Variants in SSB observed in about 807,000 individuals in gnomAD.
SSB encodes the protein small RNA binding exonuclease protection factor La, also known as lupus La protein.
A neutral mutation model predicts 52.9 loss-of-function variants in SSB; 17 were observed. The observed-to-expected ratio is 0.32, with a 90% CI of 0.22 to 0.48. The LOEUF is 0.48. SSB is among the 20% of genes least tolerant of loss of function. SSB has a pLI of 0.99. For synonymous variants in SSB, 111 were observed against 152.1 expected (o/e 0.73, Z 1.99); for missense variants, 314 against 463.6 (o/e 0.68, Z 2.96).
chr2:169,803,995 TC>T (rs1241014106), intron 2 of SSB, among the ~76,000 whole-genome samples: 4 of 152,016 alleles, frequency 2.6e-5, no homozygotes, highest in African/African-American at 4.8e-5. Context: ...CGCCTCAGCC[TC>T]CCAAAGTGCT....
intron 1 of SSB, among the ~76,000 whole-genome samples, chr2:169,800,257 G>C (rs530706573): frequency 6.6e-6 from 1 of 152,176 alleles, no homozygotes; most frequent in Non-Finnish European, 1.5e-5. Flanking sequence ...GAGGCCGGGC[G>C]CGGTGGCTCA....
intron 8 of SSB, chr2:169,809,123 G>C (rs981717085): frequency 4.0e-5 from 21 of 520,882 alleles, no homozygotes; most frequent in African/African-American, 4.0e-4. Context: ...GCCCACGCCT[G>C]TAATCCCAGC....
chr2:169,800,846 C>A (rs939269837), intron 1 of SSB, 106 bp from the exon 2 acceptor site: 6 of 779,848 alleles, frequency 7.7e-6, no homozygotes, highest in Non-Finnish European at 9.3e-6. Context: ...AATAGAAATT[C>A]TTGATTTTTT....
At chr2:169,809,641 G>A (rs946422739) in intron 8 of SSB, among the ~76,000 whole-genome samples, 2 of 151,252 alleles carry the variant, frequency 1.3e-5, no homozygotes, top group African/African-American at 4.9e-5. Context: ...TTGAGACCGA[G>A]TCTCACTGTT....
chr2:169,810,076 CA>C (rs1689914810), intron 8 of SSB: 1 of 307,356 alleles, frequency 3.3e-6, no homozygotes, highest in Non-Finnish European at 5.8e-6. Context: ...AGGAAAACAC[CA>C]ACACTATGAA....
Position 169,811,036 on chromosome 2 carries a change from A to G in SSB, c.989A>G (p.Lys330Arg). ...CAACAAGAATCCCTAAACAAATGGA[A>G]GTCAAAAGGTCATTTATTCTGATTT... ...EDQQESLNKWKSKGRRFKGKG... is the reference protein window; with the variant it reads ...EDQQESLNKWRSKGRRFKGKG... Residue 330 changes from lysine to arginine, a missense_variant, in exon 10 of 12, where the codon AAG becomes AGG. Coordinates refer to ENST00000260956, the MANE Select transcript of SSB (RefSeq NM_003142.5). 1.2e-6 allele frequency: 2 copies of G among 1,609,002 alleles called. No individual in the cohort carries two copies. Among genetic ancestry groups the G allele is most frequent in the Non-Finnish European group, 8.5e-7 (1 of 1,179,004 alleles).
At chr2:169,805,619 A>G (rs765060913) in intron 3 of SSB, 42 bp downstream of exon 3, 6 of 1,612,002 alleles carry the variant, frequency 3.7e-6, no homozygotes, top group Non-Finnish European at 4.2e-6. Flanking sequence ...TTCTGTTTAC[A>G]ATGAGTGCTA....
Position 169,810,323 on chromosome 2 carries a change from C to T in SSB, c.710C>T (p.Ser237Leu), listed in dbSNP as rs773826217. 2.6e-5 allele frequency: 41 copies of T among 1,606,060 alleles called. No individual in the cohort carries two copies. Among genetic ancestry groups the T allele is most frequent in the Admixed American group, 6.8e-5 (4 of 58,682 alleles). ...AAGATTGGATGCTTGCTGAAATTTT[C>T]GGGTGATTTAGATGATCAGACCTGT... ...EEKIGCLLKF[S>L]GDLDDQTCRE... Residue 237 changes from serine (S) to leucine (L), a missense_variant, in exon 9 of 12, where the codon TCG becomes TTG. Physicochemically the swap from Ser to Leu is moderately radical, Grantham distance 145. Transcript: ENST00000260956.
chr2:169,808,420 A>G, intron 6 of SSB, 62 bp from the exon 7 acceptor site: 3 of 1,339,238 alleles, frequency 2.2e-6, no homozygotes, highest in Non-Finnish European at 3.2e-6. Context: ...AAGTTATTCA[A>G]AATAATCTGC....
intron 6 of SSB, among the ~76,000 whole-genome samples, chr2:169,808,013 T>G (rs1162458064): frequency 1.3e-5 from 2 of 152,170 alleles, no homozygotes; most frequent in Non-Finnish European, 2.9e-5. Context: ...TTTTCATATG[T>G]TATTGTTGGA....
At chr2:169,806,929 A>G in intron 5 of SSB, 37 bp downstream of exon 5, 4 of 1,608,980 alleles carry the variant, frequency 2.5e-6, no homozygotes, top group Non-Finnish European at 3.4e-6. Context: ...TTTAAAATAT[A>G]TGGGACATAA....
chr2:169,802,289 A>C (rs1232994091), intron 2 of SSB, among the ~76,000 whole-genome samples: 5 of 151,842 alleles, frequency 3.3e-5, no homozygotes, highest in Non-Finnish European at 7.4e-5. Context: ...AAAAAGAAAA[A>C]AACCTTAAAA....
chr2:169,801,267 A>G (rs1466388907), intron 2 of SSB, among the ~76,000 whole-genome samples: 1 of 152,186 alleles, frequency 6.6e-6, no homozygotes, highest in Non-Finnish European at 1.5e-5. Flanking sequence ...TTTTAGTTTC[A>G]TAGTCTCATA....
intron 6 of SSB, 132 bp downstream of exon 6, chr2:169,807,203 T>C (rs1689847535): frequency 2.9e-6 from 2 of 689,612 alleles, no homozygotes. Context: ...GAGAAATGCT[T>C]GATATTTGTT....
chr2:169,812,041 T>C lies in SSB; in HGVS notation c.*285T>C. 4 of 699,164 alleles carry C rather than the reference T, an allele frequency of 5.7e-6. No individual in the cohort carries two copies. Among genetic ancestry groups the C allele is most frequent in the Non-Finnish European group, 9.4e-6 (4 of 427,450 alleles). 43.3% of individuals were successfully genotyped at this position (699,164 alleles called of 1,614,324 possible). On this transcript the variant is annotated 3_prime_UTR_variant, in exon 12 of 12. Coordinates refer to ENST00000260956, the MANE Select transcript of SSB (RefSeq NM_003142.5). ...TTAGTACAAACTAACTAATAAAATA[T>C]ATACTATATGAAAAGAGCAAAAACA...
rs1374374849 is a variant in SSB, at chr2:169,798,922, T to A, written c.-64T>A. On this transcript the variant is annotated 5_prime_UTR_variant, in exon 1 of 12. Transcript: ENST00000260956. ...CGGCGGCGCTGGGAGGTGGAGTCGT[T>A]GCTGTTGCTGTTTGTGAGCCTGTGG... The A allele has an allele frequency of 1.3e-5, 2 of 151,538 alleles. No individual in the cohort carries two copies. The highest frequency in any genetic ancestry group is 4.9e-5 in the African/African-American group (2 of 41,176). The allele number at this position is 151,538 out of a possible 1,614,324, so 9.4% of individuals were successfully genotyped here.
rs370543439 is a variant in SSB, at chr2:169,811,225, A to G, written c.1040A>G (p.Gln347Arg). 1.9e-6 allele frequency: 3 copies of G among 1,612,326 alleles called. No homozygotes were observed. The highest frequency in any genetic ancestry group is 2.5e-6 in the Non-Finnish European group (3 of 1,179,714). Residue 347 changes from glutamine to arginine, a missense_variant, in exon 11 of 12, where the codon CAG becomes CGG. Gln to Arg is a conservative substitution (Grantham distance 43, BLOSUM62 1). Transcript: ENST00000260956. The part of the protein sequence containing the change: ...KGKGKGNKAA[Q>R]PGSGKGKVQF... Reference sequence around the variant, plus strand: ...AAAGGAAAGGGTAATAAAGCTGCCCAGCCTGGGTCTGGTAAAGGAAAAGTA... The same window carrying G: ...AAAGGAAAGGGTAATAAAGCTGCCCGGCCTGGGTCTGGTAAAGGAAAAGTA...
chr2:169,810,283 A>T lies in SSB; in HGVS notation c.670A>T (p.Lys224Ter). Residue 224 changes from lysine (K) to a stop codon, truncating the protein, a stop_gained and splice_region_variant, in exon 9 of 12, where the codon AAA (lysine) becomes TAA (stop). Transcript: ENST00000260956. LOFTEE classifies it high-confidence loss of function. ...TTGATCACTTTGTATATTTTTATAGAAATCTCTAGAAGAAAAGATTGGATG... is the reference window on the plus strand; with the variant it reads ...TTGATCACTTTGTATATTTTTATAGTAATCTCTAGAAGAAAAGATTGGATG... The part of the protein sequence containing the change: ...KQKLEEDAEM[K>*]SLEEKIGCLL... 6.3e-7 allele frequency: 1 copy of T among 1,596,932 alleles called. No homozygotes were observed. Among genetic ancestry groups the T allele is most frequent in the Non-Finnish European group, 8.5e-7 (1 of 1,175,112 alleles).
intron 2 of SSB, among the ~76,000 whole-genome samples, chr2:169,802,793 C>T (rs982449989): frequency 6.6e-6 from 1 of 152,194 alleles, no homozygotes; most frequent in African/African-American, 2.4e-5. Flanking sequence ...TTTAAAACAT[C>T]CCCCACCAGA....
Sources: allele counts gnomAD v4.1 joint callset (sites outside exome capture counted in the v4.1 genomes callset), GRCh38; gene constraint gnomAD v4.1.1; transcripts MANE v1.5; gene names NCBI Gene and HGNC (gene_info 2026-07-23, HGNC 2026-07-21).